Variants in SLC24A3 observed in about 807,000 individuals in gnomAD.
The protein encoded by SLC24A3 is sodium/potassium/calcium exchanger 3.
Under a neutral mutation model 75.8 loss-of-function variants are expected in SLC24A3, and 28 were observed. The observed-to-expected ratio is 0.37, with a 90% CI of 0.27 to 0.51. The LOEUF (loss-of-function observed/expected upper bound fraction) is 0.51. Ranked by LOEUF, SLC24A3 falls within the 20% of genes least tolerant of loss-of-function variation. SLC24A3 has a pLI of 0.94. For missense variants in SLC24A3, 663 were observed against 847.8 expected (o/e 0.78, Z 2.71); for synonymous variants, 372 against 334.1 (o/e 1.11, Z -1.24).
In SLC24A3 at chr20:19,582,194, T is replaced by C. The variant is rs73900557; in HGVS notation, c.423+2120T>C. Among the ~76,000 whole-genome samples, 1,188 of 152,368 alleles carry C rather than the reference T, an allele frequency of 7.8e-3. 10 individuals carry two copies. Among genetic ancestry groups the C allele is most frequent in the African/African-American group, 0.027 (1,129 of 41,592 alleles). On this transcript the variant is annotated intron_variant, in intron 4 of 16. Coordinates refer to ENST00000328041, the MANE Select transcript of SLC24A3 (RefSeq NM_020689.4). ...TACACTTTCTCACAAGATGAGAGGA[T>C]CATGACGTGGGTCCACCAGCAGTGG...
intron 7 of SLC24A3, among the ~76,000 whole-genome samples, chr20:19,659,319 G>A (rs2032300403): frequency 6.6e-6 from 1 of 152,188 alleles, no homozygotes; most frequent in Non-Finnish European, 1.5e-5. Flanking sequence ...GGCACCGAGT[G>A]AATGGAACCC....
chr20:19,557,746 T>C (rs1416680850), intron 3 of SLC24A3, among the ~76,000 whole-genome samples: 40 of 152,206 alleles, frequency 2.6e-4, no homozygotes, highest in Admixed American at 2.6e-3. Context: ...TATGTCCCAA[T>C]TGGGTGTGAC....
chr20:19,634,144 C>T (rs1400137123), intron 6 of SLC24A3, among the ~76,000 whole-genome samples: 1 of 152,200 alleles, frequency 6.6e-6, no homozygotes, highest in African/African-American at 2.4e-5. Flanking sequence ...GCATTTTCAG[C>T]TTGTGCTCCA....
intron 2 of SLC24A3, among the ~76,000 whole-genome samples, chr20:19,281,308 G>A (rs1192049735): frequency 2.0e-5 from 3 of 152,190 alleles, no homozygotes; most frequent in East Asian, 3.8e-4. Context: ...GTAAGTCAGA[G>A]ACAGTGACAC....
At position 19,685,383 on chromosome 20, in the gene SLC24A3, C is replaced by G. The variant is rs780041366; in HGVS notation, c.1324+22C>G. ...CCCTGTAAGAGGTTCTATGTCTGGGCTGGGGTTGGGAGCTATTTTGAGCCA... is the reference window on the plus strand; with the variant it reads ...CCCTGTAAGAGGTTCTATGTCTGGGGTGGGGTTGGGAGCTATTTTGAGCCA... On this transcript the variant is annotated intron_variant, in intron 12 of 16. Transcript: ENST00000328041. 6 of 1,608,856 alleles carry G rather than the reference C, an allele frequency of 3.7e-6. No homozygotes were observed. The South Asian group carries it at 6.6e-5, about 18-fold the overall frequency.
chr20:19,267,144 A>G (rs1983189924), intron 1 of SLC24A3, among the ~76,000 whole-genome samples: 1 of 152,212 alleles, frequency 6.6e-6, no homozygotes, highest in Non-Finnish European at 1.5e-5. Flanking sequence ...TGTTATATTT[A>G]TGGTAGTATC....
Position 19,469,835 on chromosome 20 carries a change from G to A in SLC24A3, c.272-45653G>A, listed in dbSNP as rs146668250. Among the ~76,000 whole-genome samples, 908 of 152,296 alleles carry A rather than the reference G, an allele frequency of 6.0e-3. 4 individuals carry two copies. The highest frequency in any genetic ancestry group is 9.6e-3 in the Non-Finnish European group (653 of 68,032). Reference sequence around the variant, plus strand: ...CATCACTTTATGAATATTGGCAAAGGAAACGGCTGTGGTCACATGCCCATT... The same window carrying A: ...CATCACTTTATGAATATTGGCAAAGAAAACGGCTGTGGTCACATGCCCATT... On this transcript the variant is annotated intron_variant, in intron 2 of 16. Transcript: ENST00000328041.
At chr20:19,216,844 TG>T (rs1394888937) in intron 1 of SLC24A3, among the ~76,000 whole-genome samples, 1 of 152,126 alleles carries the variant, frequency 6.6e-6, no homozygotes, top group African/African-American at 2.4e-5. Context: ...GGAATTTGGA[TG>T]GGGGTAATGG....
At chr20:19,367,054 C>T (rs924272476) in intron 2 of SLC24A3, among the ~76,000 whole-genome samples, 3 of 152,262 alleles carry the variant, frequency 2.0e-5, no homozygotes, top group Non-Finnish European at 4.4e-5. Context: ...ACAACAGCCA[C>T]TTGCCAATGT....
intron 2 of SLC24A3, among the ~76,000 whole-genome samples, chr20:19,363,111 G>A (rs560967148): frequency 2.6e-4 from 39 of 152,302 alleles, no homozygotes; most frequent in South Asian, 4.1e-4. Context: ...ATGTTTGCAC[G>A]TCCTGCTGCT....
chr20:19,212,812 C>G lies in SLC24A3; in HGVS notation c.-31C>G, dbSNP rs1212440717. ...CCGCCCGCGACAGGAGCGGCCGCCG[C>G]CCGCCGAGGCCGCCGCCCGGCCGCC... On this transcript the variant is annotated 5_prime_UTR_variant, in exon 1 of 17. Coordinates refer to ENST00000328041, the MANE Select transcript of SLC24A3 (RefSeq NM_020689.4). 1.0e-6 allele frequency: 1 copy of G among 980,144 alleles called. No homozygotes were observed. The highest frequency in any genetic ancestry group is 1.2e-6 in the Non-Finnish European group (1 of 827,924). 60.7% of individuals were successfully genotyped at this position (980,144 alleles called of 1,614,324 possible).
At chr20:19,365,672 C>T (rs889878093) in intron 2 of SLC24A3, among the ~76,000 whole-genome samples, 15 of 152,096 alleles carry the variant, frequency 9.9e-5, no homozygotes, top group African/African-American at 3.4e-4. Flanking sequence ...TCACACTTTA[C>T]GTAAGAGTGA....
chr20:19,511,239 T>C (rs1988530674), intron 2 of SLC24A3, among the ~76,000 whole-genome samples: 1 of 151,932 alleles, frequency 6.6e-6, no homozygotes, highest in Non-Finnish European at 1.5e-5. Flanking sequence ...CAGGGTCTGC[T>C]CTTGAGGGCC....
intron 2 of SLC24A3, among the ~76,000 whole-genome samples, chr20:19,452,625 G>T (rs1433321522): frequency 2.0e-5 from 3 of 151,988 alleles, no homozygotes; most frequent in Non-Finnish European, 4.4e-5. Context: ...CATCATACAG[G>T]GGTCCTGGGT....
chr20:19,682,115 A>G (rs117762916), intron 10 of SLC24A3, 124 bp downstream of exon 10: 32,209 of 1,115,134 alleles, frequency 0.029, 563 homozygotes, highest in Middle Eastern at 0.047. Flanking sequence ...ATTAACCAGG[A>G]GTGGTGGCCC....
chr20:19,349,629 G>T (rs930956372), intron 2 of SLC24A3, among the ~76,000 whole-genome samples: 1 of 152,290 alleles, frequency 6.6e-6, no homozygotes, highest in East Asian at 1.9e-4. Flanking sequence ...TGAGGTGCAT[G>T]CTCTGTGTGG....
rs112361915 is a variant in SLC24A3 at position 19,409,691 on chromosome 20, C to T, written c.272-105797C>T. Among the ~76,000 whole-genome samples, 1,283 of 151,950 alleles carry T rather than the reference C, an allele frequency of 8.4e-3. 18 individuals carry two copies. Among genetic ancestry groups the T allele is most frequent in the African/African-American group, 0.029 (1,206 of 41,326 alleles). Reference sequence around the variant, plus strand: ...GTATAAAATATTATGTGACTATTTACAATCATGCTTGTGAAGAATTTTAAT... The same window carrying T: ...GTATAAAATATTATGTGACTATTTATAATCATGCTTGTGAAGAATTTTAAT... On this transcript the variant is annotated intron_variant, in intron 2 of 16. Transcript: ENST00000328041.
intron 2 of SLC24A3, among the ~76,000 whole-genome samples, chr20:19,289,595 G>A (rs1337521562): frequency 6.6e-6 from 1 of 152,206 alleles, no homozygotes; most frequent in African/African-American, 2.4e-5. Flanking sequence ...TGCAAGAGAA[G>A]TCACCTCCTG....
At chr20:19,490,131 G>A (rs946111766) in intron 2 of SLC24A3, among the ~76,000 whole-genome samples, 1 of 152,096 alleles carries the variant, frequency 6.6e-6, no homozygotes. Context: ...CAGAACTGTT[G>A]CCAGTTCATT....
Sources: gnomAD v4.1 joint callset for allele counts (sites outside exome capture counted in the v4.1 genomes callset) on GRCh38, gnomAD v4.1.1 for gene constraint, MANE v1.5 for transcripts, NCBI Gene and HGNC (gene_info 2026-07-23, HGNC 2026-07-21) for gene names.